Variants in GLI3 observed in about 807,000 individuals in gnomAD.
The protein encoded by GLI3 is transcription activator GLI3.
Under a neutral mutation model 100.8 loss-of-function variants are expected in GLI3, and 20 were observed. The ratio of observed to expected loss-of-function variants is 0.20; its 90% confidence interval spans 0.14 to 0.29. GLI3 has a LOEUF of 0.29. GLI3 is among the 10% of genes least tolerant of loss of function. The pLI is 1.00. For synonymous variants in GLI3, 938 were observed against 860.5 expected (o/e 1.09, Z -1.58); for missense variants, 2,040 against 2,128.5 (o/e 0.96, Z 0.82).
At chr7:42,007,222 T>A (rs1485136667) in intron 10 of GLI3, among the ~76,000 whole-genome samples, 62 of 122,766 alleles carry the variant, frequency 5.1e-4, no homozygotes, top group African/African-American at 9.6e-4. Flanking sequence ...GGAGGAAATT[T>A]AAAAAAAAAA....
At chr7:41,991,493 A>G (rs1787986287) in intron 10 of GLI3, among the ~76,000 whole-genome samples, 1 of 152,226 alleles carries the variant, frequency 6.6e-6, no homozygotes, top group Admixed American at 6.5e-5. Context: ...ATATAAAAGC[A>G]AAATCTCCAT....
intron 2 of GLI3, among the ~76,000 whole-genome samples, chr7:42,194,301 C>A (rs1787883617): frequency 6.6e-6 from 1 of 152,126 alleles, no homozygotes; most frequent in Non-Finnish European, 1.5e-5. Context: ...TAAGAAAGGA[C>A]AGGGCCAAAC....
Position 41,979,129 on chromosome 7 carries a change from C to T in GLI3, c.1498-381G>A, listed in dbSNP as rs192578530. On this transcript the variant is annotated intron_variant, in intron 10 of 14. Coordinates refer to ENST00000395925, the MANE Select transcript of GLI3 (RefSeq NM_000168.6). ...TGTCATTTTTCCTTGCCAAGGCTGG[C>T]GATTGAGGCTAAACAACTGCAGAGA... Among the ~76,000 whole-genome samples the T allele has an allele frequency of 3.3e-3, 510 of 152,280 alleles. 12 individuals are homozygous for T. Among genetic ancestry groups the T allele is most frequent in the Admixed American group, 0.032 (490 of 15,296 alleles).
At position 42,026,294 on chromosome 7, in the gene GLI3, G is replaced by C; in HGVS notation, c.1147C>G (p.Pro383Ala). ...CTCTGTGTTGGAAAAGTTGGGGCAG[G>C]GTGGATGAGTGGAGGGCTGTGTCCA... ...AFGHSPPLIH[P>A]APTFPTQRPI... Residue 383 changes from proline (P) to alanine (A), a missense_variant, in exon 8 of 15, where the codon CCT becomes GCT. Pro to Ala is a conservative substitution (Grantham distance 27, BLOSUM62 -1). Around this residue, in one of 5 missense-constraint regions of GLI3, gnomAD observed 603 missense variants for 690.9 expected, o/e 0.87. Transcript: ENST00000395925. The C allele has an allele frequency of 4.3e-6, 7 of 1,614,072 alleles. No homozygotes were observed. The highest frequency in any genetic ancestry group is 5.9e-6 in the Non-Finnish European group (7 of 1,179,970).
At chr7:42,033,331 GT>G (rs1789349303) in intron 7 of GLI3, among the ~76,000 whole-genome samples, 1 of 152,156 alleles carries the variant, frequency 6.6e-6, no homozygotes, top group African/African-American at 2.4e-5. Flanking sequence ...TTTCATTCAG[GT>G]TTGAATTTTT....
At chr7:42,220,946 T>C (rs1249793179) in intron 2 of GLI3, among the ~76,000 whole-genome samples, 2 of 152,192 alleles carry the variant, frequency 1.3e-5, no homozygotes, top group Admixed American at 6.5e-5. Flanking sequence ...CCTGCAAGTT[T>C]GACCAATCAA....
At chr7:42,185,538 C>T (rs532115258) in intron 2 of GLI3, among the ~76,000 whole-genome samples, 1 of 152,340 alleles carries the variant, frequency 6.6e-6, no homozygotes, top group East Asian at 1.9e-4. Context: ...TCAGATACTA[C>T]AGATGAGCTC....
intron 2 of GLI3, among the ~76,000 whole-genome samples, chr7:42,176,274 G>A (rs1246419616): frequency 6.6e-6 from 1 of 151,924 alleles, no homozygotes; most frequent in African/African-American, 2.4e-5. Context: ...TGGATTCCAA[G>A]CAGAGGTACA....
intron 2 of GLI3, among the ~76,000 whole-genome samples, chr7:42,175,010 C>A (rs1489890115): frequency 6.6e-6 from 1 of 152,088 alleles, no homozygotes; most frequent in South Asian, 2.1e-4. Context: ...GATTGTCTTT[C>A]CTGCCTGATT....
intron 10 of GLI3, among the ~76,000 whole-genome samples, chr7:42,017,279 T>A (rs1456509825): frequency 6.6e-6 from 1 of 152,200 alleles, no homozygotes; most frequent in Non-Finnish European, 1.5e-5. Context: ...GAATCTCACC[T>A]AAAGTATCAT....
intron 3 of GLI3, among the ~76,000 whole-genome samples, chr7:42,128,605 T>C (rs1021490786): frequency 6.6e-6 from 1 of 152,178 alleles, no homozygotes; most frequent in African/African-American, 2.4e-5. Context: ...ATAAAATACA[T>C]CTTAAAAACT....
In GLI3 at chr7:42,111,667, G is replaced by A. The variant is rs554774079; in HGVS notation, c.368-34810C>T. On this transcript the variant is annotated intron_variant, in intron 3 of 14. Coordinates refer to ENST00000395925, the MANE Select transcript of GLI3 (RefSeq NM_000168.6). Reference sequence around the variant, plus strand: ...TCAGGTGCATGAGACACAGCAACAAGAAATAAAGTTCTAGAGCACTTAAGC... The same window carrying A: ...TCAGGTGCATGAGACACAGCAACAAAAAATAAAGTTCTAGAGCACTTAAGC... Among the ~76,000 whole-genome samples the A allele has an allele frequency of 4.6e-5, 7 of 152,322 alleles. No individual in the cohort carries two copies. The South Asian group carries it at 8.3e-4, about 18-fold the overall frequency.
intron 3 of GLI3, among the ~76,000 whole-genome samples, chr7:42,115,368 GA>G (rs1785827709): frequency 6.6e-6 from 1 of 152,072 alleles, no homozygotes; most frequent in South Asian, 2.1e-4. Flanking sequence ...TGGAACTCCT[GA>G]CCTTAAGTGA....
Position 42,254,454 on chromosome 7 carries a change from G to A in GLI3, c.-43+9540C>T, listed in dbSNP as rs116727092. ...AGTATTTCAAAAGGGTTGACTGGCC[G>A]ACTGGGTTGAATGCTGCTGAGAGAG... On this transcript the variant is annotated intron_variant, in intron 1 of 2. Transcript: ENST00000678978. Among the ~76,000 whole-genome samples the A allele has an allele frequency of 6.9e-3, 1,047 of 152,264 alleles. 12 individuals are homozygous for A. The highest frequency in any genetic ancestry group is 0.023 in the African/African-American group (964 of 41,542).
At chr7:42,063,103 G>A (rs1165616953) in intron 4 of GLI3, among the ~76,000 whole-genome samples, 1 of 152,032 alleles carries the variant, frequency 6.6e-6, no homozygotes, top group Non-Finnish European at 1.5e-5. Flanking sequence ...ACTGTTCCAA[G>A]CTGAAGAAGT....
At chr7:41,975,141 C>T (rs1415639369) in intron 12 of GLI3, among the ~76,000 whole-genome samples, 1 of 152,154 alleles carries the variant, frequency 6.6e-6, no homozygotes. Context: ...AGTAAGAAGT[C>T]CTGTCAGAGC....
chr7:42,114,693 T>G (rs1370355868), intron 3 of GLI3, among the ~76,000 whole-genome samples: 2 of 151,830 alleles, frequency 1.3e-5, no homozygotes, highest in Non-Finnish European at 2.9e-5. Flanking sequence ...GGGGAGAGTT[T>G]TTTGTTTGTT....
intron 5 of GLI3, among the ~76,000 whole-genome samples, chr7:42,046,692 A>C (rs905046788): frequency 6.6e-6 from 1 of 152,206 alleles, no homozygotes; most frequent in African/African-American, 2.4e-5. Flanking sequence ...CAGGCCAGGC[A>C]TAATTCCAAG....
chr7:42,145,328 T>C (rs1253766013), intron 3 of GLI3: 2 of 379,442 alleles, frequency 5.3e-6, no homozygotes, highest in Non-Finnish European at 9.3e-6. Flanking sequence ...TCTTTTATGT[T>C]CCTGCATGTA....
Sources: gnomAD v4.1 joint callset for allele counts (sites outside exome capture counted in the v4.1 genomes callset) on GRCh38, gnomAD v4.1.1 for gene constraint, gnomAD v4.1.1 regional missense constraint, MANE v1.5 for transcripts, NCBI Gene and HGNC (gene_info 2026-07-23, HGNC 2026-07-21) for gene names.